FAT3: variants seen among roughly 807,000 people sequenced by gnomAD.
FAT3 encodes protocadherin Fat 3.
In FAT3, 95 loss-of-function variants were observed where a neutral mutation model predicts 310.2. The observed-to-expected ratio is 0.31, with a 90% CI of 0.26 to 0.36. FAT3 has a LOEUF of 0.36. FAT3 is among the 10% of genes least tolerant of loss of function. The pLI, the probability that FAT3 is intolerant of heterozygous loss-of-function variation, is 1.00. For synonymous variants in FAT3, 2,314 were observed against 2,192.9 expected, an observed-to-expected ratio of 1.06 and a Z score of -1.54; for missense variants, 5,408 against 5,715.6, an observed-to-expected ratio of 0.95 and a Z score of 1.74.
chr11:92,404,106 AAAACAACT>A (rs1409241286), intron 2 of FAT3, among the ~76,000 whole-genome samples: 1 of 152,126 alleles, frequency 6.6e-6, no homozygotes, highest in Admixed American at 6.6e-5. Flanking sequence ...CCTGAAGAGA[AAAACAACT>A]ACAGGTTTTG....
chr11:92,765,695 C>T (rs1396137029), intron 6 of FAT3, among the ~76,000 whole-genome samples: 2 of 151,984 alleles, frequency 1.3e-5, no homozygotes, highest in Admixed American at 6.6e-5. Context: ...TGAAGTGCAG[C>T]CCACAGATTT....
Position 92,834,954 on chromosome 11 carries a change from C to G in FAT3, c.9956C>G (p.Pro3319Arg). 6.2e-7 allele frequency: 1 copy of G among 1,613,210 alleles called. No individual in the cohort carries two copies. The highest frequency in any genetic ancestry group is 1.7e-5 in the Admixed American group (1 of 59,942). ...LVVEAKDGGT[P>R]ALSAVATVNI... ...GTGGAAGCCAAAGATGGGGGCACCC[C>G]AGCTCTCAGCGCTGTGGCCACTGTC... Residue 3319 changes from proline (P) to arginine (R), a missense_variant, in exon 15 of 28, where the codon CCA (proline) becomes CGA (arginine). Coordinates refer to ENST00000525166, the MANE Select transcript of FAT3 (RefSeq NM_001367949.2).
chr11:92,345,291 G>T (rs896988461), intron 1 of FAT3, among the ~76,000 whole-genome samples: 2 of 152,054 alleles, frequency 1.3e-5, no homozygotes, highest in Non-Finnish European at 2.9e-5. Flanking sequence ...ACTATAAGAA[G>T]AAATAAGGCC....
At chr11:92,729,481 C>G (rs1226156856) in intron 4 of FAT3, among the ~76,000 whole-genome samples, 2 of 146,792 alleles carry the variant, frequency 1.4e-5, no homozygotes, top group South Asian at 4.3e-4. Flanking sequence ...GGCTGGAGTG[C>G]AGTGGCGTGA....
intron 7 of FAT3, among the ~76,000 whole-genome samples, chr11:92,779,540 C>T (rs1408475311): frequency 6.6e-6 from 1 of 151,866 alleles, no homozygotes; most frequent in South Asian, 2.1e-4. Flanking sequence ...TAAAAAAAAC[C>T]CAAGTGTTTA....
chr11:92,342,501 A>G (rs1339694932), intron 1 of FAT3, among the ~76,000 whole-genome samples: 1 of 152,220 alleles, frequency 6.6e-6, no homozygotes, highest in Non-Finnish European at 1.5e-5. Flanking sequence ...ACTTTTGGAA[A>G]TATAACAGAT....
At chr11:92,616,699 T>G (rs1940827800) in intron 3 of FAT3, among the ~76,000 whole-genome samples, 1 of 152,170 alleles carries the variant, frequency 6.6e-6, no homozygotes, top group African/African-American at 2.4e-5. Context: ...CAGCATTTGT[T>G]TTTCTGTAAA....
intron 3 of FAT3, among the ~76,000 whole-genome samples, chr11:92,573,747 G>T (rs974336633): frequency 6.6e-6 from 1 of 152,040 alleles, no homozygotes; most frequent in Non-Finnish European, 1.5e-5. Flanking sequence ...GAAGGTAGGA[G>T]AGAGTCATGG....
chr11:92,657,519 G>A (rs557646216), intron 3 of FAT3, among the ~76,000 whole-genome samples: 1 of 152,318 alleles, frequency 6.6e-6, no homozygotes, highest in Admixed American at 6.5e-5. Flanking sequence ...GAGTGCCTTC[G>A]ATGGGCACTG....
At chr11:92,637,196 G>C (rs183047557) in intron 3 of FAT3, among the ~76,000 whole-genome samples, 15 of 152,298 alleles carry the variant, frequency 9.8e-5, no homozygotes, top group Non-Finnish European at 1.9e-4. Flanking sequence ...TTGAGAATTA[G>C]TGTAAGTGAG....
At chr11:92,455,073 C>T (rs989101778) in intron 2 of FAT3, among the ~76,000 whole-genome samples, 2 of 152,062 alleles carry the variant, frequency 1.3e-5, no homozygotes, top group African/African-American at 2.4e-5. Flanking sequence ...GAGGATCAAC[C>T]GAGATTGAGA....
At chr11:92,393,254 G>A (rs943098278) in intron 2 of FAT3, among the ~76,000 whole-genome samples, 1 of 152,032 alleles carries the variant, frequency 6.6e-6, no homozygotes, top group Non-Finnish European at 1.5e-5. Flanking sequence ...CTGAGTGTGT[G>A]TATGCACACA....
At chr11:92,761,810 A>C in intron 4 of FAT3, 46 bp from the exon 5 acceptor site, 11 of 1,557,082 alleles carry the variant, frequency 7.1e-6, no homozygotes, top group Non-Finnish European at 9.6e-6. Context: ...ATGTAATAGC[A>C]AGAATAATTT....
intron 2 of FAT3, among the ~76,000 whole-genome samples, chr11:92,361,308 A>G (rs781500901): frequency 6.6e-6 from 1 of 152,174 alleles, no homozygotes; most frequent in Non-Finnish European, 1.5e-5. Flanking sequence ...GGCCAAACTC[A>G]GCACTGTGGA....
chr11:92,769,439 C>G (rs1190352427), intron 6 of FAT3, among the ~76,000 whole-genome samples: 1 of 152,198 alleles, frequency 6.6e-6, no homozygotes, highest in Non-Finnish European at 1.5e-5. Context: ...AACTCCACAG[C>G]TCCTTGATTT....
At position 92,895,824 on chromosome 11, in the gene FAT3, T is replaced by A. The variant is rs985142152; in HGVS notation, c.*4711T>A. 1.3e-5 allele frequency: 2 copies of A among 152,172 alleles called. No individual in the cohort carries two copies. The highest frequency in any genetic ancestry group is 1.3e-4 in the Admixed American group (2 of 15,276). 9.4% of individuals were successfully genotyped at this position (152,172 alleles called of 1,614,324 possible). A position where few individuals can be genotyped will look rare whatever the true frequency, so the allele number is the denominator to read the frequency against. ...TTTCAATTTTCCAGGCTTTTGTAGA[T>A]ACTATATTTGATGCCTATCAGGATG... On this transcript the variant is annotated 3_prime_UTR_variant, in exon 28 of 28. Coordinates refer to ENST00000525166, the MANE Select transcript of FAT3 (RefSeq NM_001367949.2).
intron 4 of FAT3, among the ~76,000 whole-genome samples, chr11:92,721,998 C>A (rs1455854711): frequency 6.6e-6 from 1 of 151,952 alleles, no homozygotes; most frequent in Non-Finnish European, 1.5e-5. Flanking sequence ...TGGGTGGGGA[C>A]AGGGCCAAAC....
intron 3 of FAT3, among the ~76,000 whole-genome samples, chr11:92,599,698 A>G (rs1939914247): frequency 6.6e-6 from 1 of 152,212 alleles, no homozygotes; most frequent in Non-Finnish European, 1.5e-5. Context: ...CTAAGAAAAT[A>G]GTTTCATCAG....
At chr11:92,689,548 T>C (rs1166363271) in intron 3 of FAT3, among the ~76,000 whole-genome samples, 1 of 152,162 alleles carries the variant, frequency 6.6e-6, no homozygotes, top group East Asian at 1.9e-4. Flanking sequence ...TTCAGGTGCA[T>C]AAGTGCATCC....
Sources: gnomAD v4.1 joint callset for allele counts (sites outside exome capture counted in the v4.1 genomes callset) on GRCh38, gnomAD v4.1.1 for gene constraint, MANE v1.5 for transcripts, NCBI Gene and HGNC (gene_info 2026-07-23, HGNC 2026-07-21) for gene names.